Variants in DOCK3 observed in about 807,000 individuals in gnomAD.
DOCK3 encodes dedicator of cytokinesis 3.
A neutral mutation model predicts 265.6 loss-of-function variants in DOCK3; 60 were observed. The observed-to-expected ratio is 0.23, with a 90% CI of 0.18 to 0.28. DOCK3 has a LOEUF of 0.28. Ranked by LOEUF, DOCK3 falls within the 10% of genes least tolerant of loss-of-function variation. The pLI, the probability that DOCK3 is intolerant of heterozygous loss-of-function variation, is 1.00. For synonymous variants in DOCK3, 881 were observed against 938.0 expected (o/e 0.94, Z 1.11); for missense variants, 1,981 against 2,594.3 (o/e 0.76, Z 5.14).
chr3:50,774,059 T>C (rs1370639621), intron 1 of DOCK3, among the ~76,000 whole-genome samples: 1 of 152,084 alleles, frequency 6.6e-6, no homozygotes, highest in Non-Finnish European at 1.5e-5. Flanking sequence ...AGATTACCAA[T>C]AGCAGTTTGG....
intron 5 of DOCK3, among the ~76,000 whole-genome samples, chr3:51,011,115 G>A (rs943100799): frequency 6.6e-6 from 1 of 152,054 alleles, no homozygotes; most frequent in South Asian, 2.1e-4. Context: ...TGCTCTTCTC[G>A]AGGAGTGTCT....
At chr3:50,918,596 T>C (rs1197315553) in intron 4 of DOCK3, among the ~76,000 whole-genome samples, 3 of 151,772 alleles carry the variant, frequency 2.0e-5, no homozygotes, top group African/African-American at 4.9e-5. Flanking sequence ...TGCCCACTTT[T>C]TGATGGGGTT....
In DOCK3 at chr3:50,828,934, G is replaced by A. The variant is rs375918961; in HGVS notation, c.122-12741G>A. ...TCACCATGTTGGTCAGACTGGTCTC[G>A]AACTCCTCTCCTTGTGATCTGTCTG... On this transcript the variant is annotated intron_variant, in intron 2 of 52. Coordinates refer to ENST00000266037, the MANE Select transcript of DOCK3 (RefSeq NM_004947.5). 4.3e-4 allele frequency among the ~76,000 whole-genome samples: 65 copies of A among 151,562 alleles called. 2 individuals carry two copies. In the South Asian group the frequency reaches 0.012, roughly 27 times the overall value.
At chr3:50,902,987 G>C (rs576535957) in intron 4 of DOCK3, among the ~76,000 whole-genome samples, 58 of 152,302 alleles carry the variant, frequency 3.8e-4, no homozygotes, top group Non-Finnish European at 8.1e-4. Context: ...TGTTGTTGGT[G>C]TATAGGAATG....
intron 12 of DOCK3, among the ~76,000 whole-genome samples, chr3:51,175,317 G>A (rs2086883767): frequency 6.6e-6 from 1 of 152,204 alleles, no homozygotes; most frequent in Admixed American, 6.5e-5. Context: ...CCTCTAGACA[G>A]GTGTGTCTCT....
chr3:51,098,166 C>T (rs1465346008), intron 9 of DOCK3, among the ~76,000 whole-genome samples: 1 of 152,228 alleles, frequency 6.6e-6, no homozygotes, highest in East Asian at 1.9e-4. Context: ...AAGCTGTTCT[C>T]CTGCCTCAGC....
chr3:51,228,925 C>G, intron 18 of DOCK3, 93 bp downstream of exon 18: 1 of 1,405,526 alleles, frequency 7.1e-7, no homozygotes, highest in Non-Finnish European at 9.6e-7. Context: ...ATAAATTATT[C>G]CTTCTTGATG....
chr3:50,809,340 T>G (rs1037441198), intron 2 of DOCK3, among the ~76,000 whole-genome samples: 4 of 152,168 alleles, frequency 2.6e-5, no homozygotes, highest in Non-Finnish European at 4.4e-5. Flanking sequence ...ATCTCAGTCA[T>G]CAGGGAAATG....
intron 12 of DOCK3, among the ~76,000 whole-genome samples, chr3:51,163,139 G>T (rs970131975): frequency 6.6e-6 from 1 of 152,202 alleles, no homozygotes; most frequent in Non-Finnish European, 1.5e-5. Context: ...AGCTTAAAGA[G>T]TTTACTAATT....
intron 1 of DOCK3, among the ~76,000 whole-genome samples, chr3:50,711,934 C>T (rs72944726): frequency 0.073 from 11,147 of 152,050 alleles, 1,092 homozygotes; most frequent in East Asian, 0.33. Flanking sequence ...GTCCATTTCA[C>T]GTAAATTATC....
chr3:50,689,590 A>G (rs2035069337), intron 1 of DOCK3, among the ~76,000 whole-genome samples: 2 of 152,336 alleles, frequency 1.3e-5, no homozygotes, highest in South Asian at 4.1e-4. Flanking sequence ...TATGGAAGAT[A>G]TAATTCAAGA....
intron 40 of DOCK3, among the ~76,000 whole-genome samples, chr3:51,351,244 G>T (rs183629362): frequency 9.0e-4 from 137 of 152,270 alleles, no homozygotes; most frequent in Non-Finnish European, 1.6e-3. Flanking sequence ...ATCACCCCCA[G>T]TTCCAATATC....
intron 9 of DOCK3, among the ~76,000 whole-genome samples, chr3:51,100,667 T>C (rs1216833764): frequency 2.6e-5 from 4 of 152,070 alleles, no homozygotes; most frequent in African/African-American, 9.7e-5. Context: ...AAATACTAAT[T>C]CTCTTCAGAA....
intron 2 of DOCK3, among the ~76,000 whole-genome samples, chr3:50,779,166 A>AG (rs990291709): frequency 3.3e-5 from 5 of 152,110 alleles, no homozygotes; most frequent in Non-Finnish European, 5.9e-5. Context: ...TGCTGACTGT[A>AG]GTCACCCTAT....
At chr3:51,189,852 AGTT>A (rs2087838689) in intron 12 of DOCK3, among the ~76,000 whole-genome samples, 1 of 152,192 alleles carries the variant, frequency 6.6e-6, no homozygotes, top group Non-Finnish European at 1.5e-5. Context: ...TTTCCATAGA[AGTT>A]GTACTAATCC....
chr3:50,817,243 AC>A (rs1437355755), intron 2 of DOCK3, among the ~76,000 whole-genome samples: 2 of 152,144 alleles, frequency 1.3e-5, no homozygotes, highest in East Asian at 3.9e-4. Context: ...TTTTGTGTTA[AC>A]CTCCTATCTC....
intron 27 of DOCK3, among the ~76,000 whole-genome samples, chr3:51,292,808 G>A (rs530463901): frequency 2.0e-5 from 3 of 152,128 alleles, no homozygotes; most frequent in African/African-American, 7.2e-5. Flanking sequence ...CTCCTGAGTA[G>A]CTGGGTTTAC....
intron 5 of DOCK3, among the ~76,000 whole-genome samples, chr3:51,059,403 C>A (rs1381591796): frequency 2.0e-5 from 3 of 151,524 alleles, no homozygotes; most frequent in Non-Finnish European, 4.4e-5. Context: ...TACATTAATA[C>A]ACATGATGCC....
At chr3:50,915,229 G>C (rs2050053336) in intron 4 of DOCK3, among the ~76,000 whole-genome samples, 1 of 152,020 alleles carries the variant, frequency 6.6e-6, no homozygotes, top group African/African-American at 2.4e-5. Context: ...CAATCCAATA[G>C]AACTCAGGGG....
Sources: allele counts gnomAD v4.1 joint callset (sites outside exome capture counted in the v4.1 genomes callset), GRCh38; gene constraint gnomAD v4.1.1; transcripts MANE v1.5; gene names NCBI Gene and HGNC (gene_info 2026-07-23, HGNC 2026-07-21).